ARHGAP17: variants seen among roughly 807,000 people sequenced by gnomAD.
ARHGAP17 encodes the protein Rho GTPase activating protein 17, also known as rho GTPase-activating protein 17.
In ARHGAP17, 57 loss-of-function variants were observed where a neutral mutation model predicts 99.5. The observed-to-expected ratio is 0.57, with a 90% CI of 0.46 to 0.71. ARHGAP17 has a LOEUF of 0.71. Ranked by LOEUF, ARHGAP17 falls within the 30% of genes least tolerant of loss-of-function variation. ARHGAP17 has a pLI of 0.00. For synonymous variants in ARHGAP17, 417 were observed against 429.6 expected, an observed-to-expected ratio of 0.97 and a Z score of 0.36; for missense variants, 1,000 against 1,122.4, an observed-to-expected ratio of 0.89 and a Z score of 1.56.
intron 19 of ARHGAP17, among the ~76,000 whole-genome samples, chr16:24,923,124 G>A (rs1477007575): frequency 6.6e-6 from 1 of 152,148 alleles, no homozygotes; most frequent in African/African-American, 2.4e-5. Flanking sequence ...TCTATTCCTT[G>A]CCCAAGGTGA....
At chr16:24,941,785 T>TGAAGA (rs2051319443) in intron 16 of ARHGAP17, 1 of 653,864 alleles carries the variant, frequency 1.5e-6, no homozygotes, top group Non-Finnish European at 2.6e-6. Context: ...GAAGAAACGT[T>TGAAGA]AACTGAGAAG....
At chr16:24,959,589 C>G (rs974533463) in intron 9 of ARHGAP17, 82 bp downstream of exon 9, 1 of 1,347,980 alleles carries the variant, frequency 7.4e-7, no homozygotes, top group African/African-American at 1.5e-5. Flanking sequence ...GACGTGCATG[C>G]AGAGGAGTCA....
chr16:24,954,448 T>C (rs893516388), intron 10 of ARHGAP17, among the ~76,000 whole-genome samples, 155 bp downstream of exon 10: 1 of 152,220 alleles, frequency 6.6e-6, no homozygotes, highest in East Asian at 1.9e-4. Flanking sequence ...ATATGGATCA[T>C]GGTGACAAAA....
chr16:24,960,482 T>C (rs1236605242), intron 7 of ARHGAP17, among the ~76,000 whole-genome samples: 1 of 151,666 alleles, frequency 6.6e-6, no homozygotes, highest in African/African-American at 2.4e-5. Context: ...GAGGTGGTGG[T>C]TGCAGTGAGC....
intron 12 of ARHGAP17, among the ~76,000 whole-genome samples, chr16:24,951,920 G>A (rs1173313615): frequency 3.3e-5 from 5 of 152,144 alleles, no homozygotes; most frequent in African/African-American, 1.2e-4. Flanking sequence ...TTATCGCACA[G>A]GTGAGACTGC....
chr16:24,953,904 G>A (rs538412590), intron 10 of ARHGAP17, among the ~76,000 whole-genome samples: 1 of 152,290 alleles, frequency 6.6e-6, no homozygotes, highest in East Asian at 1.9e-4. Context: ...CAAACACAAG[G>A]AGGGCTTCCG....
intron 4 of ARHGAP17, 96 bp from the exon 5 acceptor site, chr16:24,968,868 G>A (rs12103073): frequency 0.32 from 353,260 of 1,091,702 alleles, 58,211 homozygotes; most frequent in East Asian, 0.52. Flanking sequence ...CAACAGGAAC[G>A]CATTAGGGTG....
chr16:24,949,285 GT>G (rs574282969), intron 13 of ARHGAP17, 118 bp downstream of exon 13: 46 of 715,186 alleles, frequency 6.4e-5, no homozygotes, highest in East Asian at 3.4e-4. Flanking sequence ...AAGTGATGTG[GT>G]TTTTTTTGTT....
chr16:24,921,700 G>T (rs1267255420), intron 19 of ARHGAP17, among the ~76,000 whole-genome samples: 1 of 152,118 alleles, frequency 6.6e-6, no homozygotes, highest in Non-Finnish European at 1.5e-5. Context: ...GTCCCTCAAG[G>T]TTTCCTATGC....
chr16:24,939,686 T>C, intron 16 of ARHGAP17, 89 bp from the exon 17 acceptor site: 2 of 1,379,200 alleles, frequency 1.5e-6, no homozygotes, highest in Non-Finnish European at 2.0e-6. Flanking sequence ...AAACCACACA[T>C]GGGGATAGCC....
intron 6 of ARHGAP17, among the ~76,000 whole-genome samples, chr16:24,967,836 G>T (rs1444045742): frequency 6.6e-6 from 1 of 151,418 alleles, no homozygotes; most frequent in Admixed American, 6.6e-5. Context: ...CTCCATCAAG[G>T]ACAAAGCAGA....
At chr16:24,977,697 G>A (rs553249381) in intron 2 of ARHGAP17, among the ~76,000 whole-genome samples, 1 of 151,544 alleles carries the variant, frequency 6.6e-6, no homozygotes, top group African/African-American at 2.4e-5. Context: ...TTCCTTATTG[G>A]GTTTGGGGTG....
chr16:24,964,733 A>T (rs1332924790), intron 6 of ARHGAP17, among the ~76,000 whole-genome samples: 1 of 151,788 alleles, frequency 6.6e-6, no homozygotes, highest in East Asian at 1.9e-4. Flanking sequence ...GCTTTTGAGA[A>T]CTCCTTGTGG....
Position 24,931,408 on chromosome 16 carries a change from C to T in ARHGAP17, c.1895-4G>A, listed in dbSNP as rs772330364. 21 of 1,500,010 alleles carry T rather than the reference C, an allele frequency of 1.4e-5. No individual in the cohort carries two copies. The South Asian group carries it at 2.8e-4, about 20-fold the overall frequency. The allele number at this position is 1,500,010 out of a possible 1,614,324, so 92.9% of individuals were successfully genotyped here. A position where few individuals can be genotyped will look rare whatever the true frequency, so the allele number is the denominator to read the frequency against. On this transcript the variant is annotated splice_region_variant and splice_polypyrimidine_tract_variant and intron_variant, in intron 18 of 19. Transcript: ENST00000289968. Reference sequence around the variant, plus strand: ...GCTGGAGCGGGTTTTTTAACAGCTGCACAAAAAGAGAAAAAACACCTTTCA... The same window carrying T: ...GCTGGAGCGGGTTTTTTAACAGCTGTACAAAAAGAGAAAAAACACCTTTCA...
chr16:24,978,908 A>G (rs940175163), intron 2 of ARHGAP17, 58 bp downstream of exon 2: 2 of 1,352,218 alleles, frequency 1.5e-6, no homozygotes, highest in African/African-American at 3.1e-5. Flanking sequence ...CAATTCTCAC[A>G]TAGGAATTTT....
chr16:24,921,345 C>T (rs192569159), intron 19 of ARHGAP17, among the ~76,000 whole-genome samples: 56 of 152,300 alleles, frequency 3.7e-4, no homozygotes, highest in African/African-American at 1.3e-3. Context: ...TTTTGCTTTG[C>T]TGCGTTAGAG....
intron 3 of ARHGAP17, among the ~76,000 whole-genome samples, chr16:24,971,362 C>T (rs928980615): frequency 8.9e-5 from 13 of 145,478 alleles, no homozygotes; most frequent in Non-Finnish European, 1.5e-4. Flanking sequence ...CAGAGTCTTG[C>T]TCTATCACCT....
Position 24,974,324 on chromosome 16 carries a change from G to A in ARHGAP17, c.198+2891C>T, listed in dbSNP as rs922762469. Among the ~76,000 whole-genome samples, 9 of 152,236 alleles carry A rather than the reference G, an allele frequency of 5.9e-5. 1 individual carries two copies. Among genetic ancestry groups the A allele is most frequent in the Admixed American group, 3.3e-4 (5 of 15,290 alleles). ...CGTGCACCTGTAGTCCCAGCTACTC[G>A]GGAGGCTGAGGTGGGAGAATCGTTT... On this transcript the variant is annotated intron_variant, in intron 3 of 19. Coordinates refer to ENST00000289968, the MANE Select transcript of ARHGAP17 (RefSeq NM_001006634.3).
intron 7 of ARHGAP17, among the ~76,000 whole-genome samples, chr16:24,961,297 G>A (rs116817967): frequency 5.9e-5 from 9 of 152,084 alleles, no homozygotes; most frequent in East Asian, 5.8e-4. Flanking sequence ...AAGACTTCAC[G>A]GTACACTGTT....
Sources: allele counts gnomAD v4.1 joint callset (sites outside exome capture counted in the v4.1 genomes callset), GRCh38; gene constraint gnomAD v4.1.1; transcripts MANE v1.5; gene names NCBI Gene and HGNC (gene_info 2026-07-23, HGNC 2026-07-21).